DOCK3: variants seen among roughly 807,000 people sequenced by gnomAD.
The protein encoded by DOCK3 is dedicator of cytokinesis protein 3.
In DOCK3, 60 loss-of-function variants were observed where a neutral mutation model predicts 265.6. The ratio of observed to expected loss-of-function variants is 0.23; its 90% CI spans 0.18 to 0.28. DOCK3 has a LOEUF of 0.28. Among genes scored for constraint, DOCK3 ranks in the 10% least tolerant of loss-of-function variants. The probability of loss-of-function intolerance (pLI) is 1.00; values close to 1 mark genes in which losing one functional copy is unlikely to be tolerated. For missense variants in DOCK3, 1,981 were observed against 2,594.3 expected (o/e 0.76, Z 5.14); for synonymous variants, 881 against 938.0 (o/e 0.94, Z 1.11).
Position 51,250,140 on chromosome 3 carries a change from G to C in DOCK3, c.2184+3333G>C, listed in dbSNP as rs2079123322. 2.6e-5 allele frequency among the ~76,000 whole-genome samples: 4 copies of C among 151,858 alleles called. No homozygotes were observed. The South Asian group carries it at 8.3e-4, about 32-fold the overall frequency. On this transcript the variant is annotated intron_variant, in intron 22 of 52. Coordinates refer to ENST00000266037, the MANE Select transcript of DOCK3 (RefSeq NM_004947.5). ...ACCCAGGGACACAAATGCTGCGGAA[G>C]GCCGCAGGGTCCTCTGCCTAGGAAA...
chr3:51,016,934 A>C (rs1172386279), intron 5 of DOCK3, among the ~76,000 whole-genome samples: 4 of 74,324 alleles, frequency 5.4e-5, no homozygotes, highest in Non-Finnish European at 8.9e-5. Flanking sequence ...TAATATATAC[A>C]ATATATGTTA....
chr3:51,273,873 C>T (rs2080654866), intron 24 of DOCK3, among the ~76,000 whole-genome samples: 1 of 152,144 alleles, frequency 6.6e-6, no homozygotes, highest in Non-Finnish European at 1.5e-5. Flanking sequence ...AATCACTGAC[C>T]ACGTAGGAAT....
intron 1 of DOCK3, among the ~76,000 whole-genome samples, chr3:50,698,770 T>C (rs1052706608): frequency 9.9e-5 from 15 of 152,124 alleles, no homozygotes; most frequent in East Asian, 3.9e-4. Flanking sequence ...TGGCTGATGA[T>C]GTTGAGTCTC....
chr3:50,977,041 G>C (rs1207533998), intron 5 of DOCK3, among the ~76,000 whole-genome samples: 1 of 149,904 alleles, frequency 6.7e-6, no homozygotes, highest in African/African-American at 2.4e-5. Flanking sequence ...GTGTGTCTCT[G>C]CATGTGAGAT....
intron 10 of DOCK3, among the ~76,000 whole-genome samples, chr3:51,152,886 G>T (rs1438683218): frequency 6.6e-6 from 1 of 152,140 alleles, no homozygotes; most frequent in Non-Finnish European, 1.5e-5. Flanking sequence ...TCTCAGAGGG[G>T]CACCCACCTG....
chr3:51,292,881 A>G (rs1487762297), intron 27 of DOCK3, among the ~76,000 whole-genome samples: 1 of 152,090 alleles, frequency 6.6e-6, no homozygotes, highest in Non-Finnish European at 1.5e-5. Context: ...GGGTTTTACC[A>G]TGTTGGCCAG....
intron 2 of DOCK3, chr3:50,786,890 A>C: frequency 1.4e-6 from 1 of 738,120 alleles, no homozygotes; most frequent in South Asian, 1.4e-5. Flanking sequence ...AGAATGCTGC[A>C]GGGAGTGCCC....
chr3:51,047,444 T>G (rs1182440969), intron 5 of DOCK3, among the ~76,000 whole-genome samples: 1 of 132,846 alleles, frequency 7.5e-6, no homozygotes, highest in Non-Finnish European at 1.6e-5. Flanking sequence ...AGAGCAGAGA[T>G]AGAGAATGGA....
intron 22 of DOCK3, among the ~76,000 whole-genome samples, chr3:51,257,195 T>G (rs1246562916): frequency 6.6e-6 from 1 of 152,200 alleles, no homozygotes; most frequent in African/African-American, 2.4e-5. Flanking sequence ...CACTAAGGTT[T>G]TATCAGGTCA....
intron 2 of DOCK3, among the ~76,000 whole-genome samples, chr3:50,820,456 G>A (rs1161888785): frequency 6.6e-6 from 1 of 152,190 alleles, no homozygotes; most frequent in Non-Finnish European, 1.5e-5. Flanking sequence ...AATTTGTTTA[G>A]GATAATAGCC....
intron 9 of DOCK3, among the ~76,000 whole-genome samples, chr3:51,113,551 G>T (rs909332247): frequency 6.6e-6 from 1 of 152,138 alleles, no homozygotes; most frequent in Non-Finnish European, 1.5e-5. Flanking sequence ...CTCCAGAGCT[G>T]CTGACAGCTT....
chr3:50,948,021 AATTATTATTATT>A lies in DOCK3; in HGVS notation c.315+13984_315+13995del, dbSNP rs374547418. On this transcript the variant is annotated intron_variant, in intron 5 of 52. Coordinates refer to ENST00000266037, the MANE Select transcript of DOCK3 (RefSeq NM_004947.5). ...CAGGCACCTGCCACCACGCCCAGCT[AATTATTATTATT>A]ATTATTATTATTATTATTATTATTA... 3.8e-3 allele frequency among the ~76,000 whole-genome samples: 457 copies of A among 120,316 alleles called. 9 individuals carry two copies. Among genetic ancestry groups the A allele is most frequent in the Non-Finnish European group, 5.2e-3 (309 of 58,996 alleles). The allele number at this position is 120,316 out of a possible 152,430, so 78.9% of individuals were successfully genotyped here. A position where few individuals can be genotyped will look rare whatever the true frequency, so the allele number is the denominator to read the frequency against.
intron 27 of DOCK3, among the ~76,000 whole-genome samples, chr3:51,301,218 T>G (rs1210624652): frequency 6.6e-6 from 1 of 152,120 alleles, no homozygotes; most frequent in Non-Finnish European, 1.5e-5. Context: ...TTCTGATGGT[T>G]GTTTGTATTT....
At chr3:50,956,120 GT>G (rs1447860024) in intron 5 of DOCK3, among the ~76,000 whole-genome samples, 1 of 150,840 alleles carries the variant, frequency 6.6e-6, no homozygotes, top group Non-Finnish European at 1.5e-5. Context: ...TTTGCATTTA[GT>G]TCAGAATTTG....
chr3:50,753,311 A>G (rs1358979661), intron 1 of DOCK3, among the ~76,000 whole-genome samples: 1 of 152,078 alleles, frequency 6.6e-6, no homozygotes, highest in African/African-American at 2.4e-5. Flanking sequence ...GTATAAATAG[A>G]TATTGCCAAA....
intron 1 of DOCK3, among the ~76,000 whole-genome samples, chr3:50,757,163 CTTTTTTTTTTTTTTT>C (rs34435343): frequency 2.5e-5 from 2 of 81,628 alleles, no homozygotes; most frequent in Non-Finnish European, 4.2e-5. Context: ...AGATTGTCGT[CTTTTTTTTTTTTTTT>C]TTTTTTTTCT....
chr3:50,910,663 G>C (rs996680344), intron 4 of DOCK3, among the ~76,000 whole-genome samples: 3 of 152,154 alleles, frequency 2.0e-5, no homozygotes, highest in Non-Finnish European at 4.4e-5. Context: ...TCTGCCTTGT[G>C]TTATGTTCTG....
chr3:51,149,134 GCTCT>G (rs1443598821), intron 10 of DOCK3, among the ~76,000 whole-genome samples: 5 of 151,942 alleles, frequency 3.3e-5, no homozygotes, highest in Non-Finnish European at 7.4e-5. Context: ...TCATGATTTG[GCTCT>G]CTGTCTGTTA....
intron 1 of DOCK3, among the ~76,000 whole-genome samples, chr3:50,720,543 A>G (rs994339208): frequency 2.6e-5 from 4 of 152,090 alleles, no homozygotes; most frequent in African/African-American, 9.7e-5. Flanking sequence ...TCTGGCATTG[A>G]TGGGCTTTTA....
Sources: allele counts gnomAD v4.1 joint callset (sites outside exome capture counted in the v4.1 genomes callset), GRCh38; gene constraint gnomAD v4.1.1; transcripts MANE v1.5; gene names NCBI Gene and HGNC (gene_info 2026-07-23, HGNC 2026-07-21).